NCAM2: variants seen among roughly 807,000 people sequenced by gnomAD.
The protein encoded by NCAM2 is neural cell adhesion molecule 2, also known as N-CAM-2.
A neutral mutation model predicts 98.1 loss-of-function variants in NCAM2; 30 were observed. The ratio of observed to expected loss-of-function variants is 0.31; its 90% CI spans 0.23 to 0.41. The LOEUF is 0.41. Ranked by LOEUF, NCAM2 falls within the 10% of genes least tolerant of loss-of-function variation. The probability of loss-of-function intolerance (pLI) is 1.00; values close to 1 mark genes in which losing one functional copy is unlikely to be tolerated. For missense variants in NCAM2, 867 were observed against 1,005.8 expected (o/e 0.86, Z 1.87); for synonymous variants, 368 against 342.4 (o/e 1.07, Z -0.83).
intron 5 of NCAM2, among the ~76,000 whole-genome samples, chr21:21,300,320 C>T (rs929137871): frequency 1.3e-5 from 2 of 152,034 alleles, no homozygotes; most frequent in African/African-American, 2.4e-5. Flanking sequence ...CTCAAAGAGA[C>T]TCTCAGGTAG....
chr21:21,279,678 G>A (rs1377386381), intron 1 of NCAM2, among the ~76,000 whole-genome samples: 2 of 152,076 alleles, frequency 1.3e-5, no homozygotes, highest in African/African-American at 4.8e-5. Flanking sequence ...GTTGTTCTGG[G>A]AAAACTTGGA....
Position 20,998,495 on chromosome 21 carries a change from G to C in NCAM2, c.-69G>C. The C allele has an allele frequency of 6.6e-7, 1 of 1,520,794 alleles. No individual in the cohort carries two copies. Among genetic ancestry groups the C allele is most frequent in the Non-Finnish European group, 9.0e-7 (1 of 1,110,862 alleles). 94.2% of individuals were successfully genotyped at this position (1,520,794 alleles called of 1,614,324 possible). A position where few individuals can be genotyped will look rare whatever the true frequency, so the allele number is the denominator to read the frequency against. On this transcript the variant is annotated 5_prime_UTR_variant, in exon 1 of 18. Coordinates refer to ENST00000400546, the MANE Select transcript of NCAM2 (RefSeq NM_004540.5). Reference sequence around the variant, plus strand: ...GGCTCTAGCAGAGGCGGCCGGGGCAGCGAAAGGTTCTCTCTCCAGGGCTGG... The same window carrying C: ...GGCTCTAGCAGAGGCGGCCGGGGCACCGAAAGGTTCTCTCTCCAGGGCTGG...
rs1568855148 is a variant in NCAM2, at chr21:21,264,996, G to GTCTGTA, written c.56-15581_56-15580insCTGTAT. 6.9e-3 allele frequency among the ~76,000 whole-genome samples: 197 copies of GTCTGTA among 28,400 alleles called. 20 individuals carry two copies. Among genetic ancestry groups the GTCTGTA allele is most frequent in the Middle Eastern group, 0.042 (1 of 24 alleles). The allele number at this position is 28,400 out of a possible 152,430, so 18.6% of individuals were successfully genotyped here. A position where few individuals can be genotyped will look rare whatever the true frequency, so the allele number is the denominator to read the frequency against. ...ACATATATATTATATATGTGTATGTGTATATATACACATATATATTATATA... is the reference window on the plus strand; with the variant it reads ...ACATATATATTATATATGTGTATGTGTCTGTATATATATACACATATATATTATATA... On this transcript the variant is annotated intron_variant, in intron 1 of 17. Transcript: ENST00000400546.
intron 4 of NCAM2, 72 bp from the exon 5 acceptor site, chr21:21,292,030 CTT>C: frequency 7.1e-7 from 1 of 1,415,240 alleles, no homozygotes; most frequent in Non-Finnish European, 9.5e-7. Context: ...TATTTTAACT[CTT>C]AACAATTTAG....
rs528574988 is a variant in NCAM2 at position 21,084,311 on chromosome 21, C to T, written c.55+85693C>T. ...TTTGAGGGGACACAAACATTCATAC[C>T]ATAACTGGTGATAAGTTCTAAACAG... On this transcript the variant is annotated intron_variant, in intron 1 of 17. Transcript: ENST00000400546. 4.8e-4 allele frequency among the ~76,000 whole-genome samples: 73 copies of T among 152,258 alleles called. 1 individual carries two copies. The South Asian group carries it at 0.015, about 30-fold the overall frequency.
At chr21:21,225,115 G>A (rs1312016425) in intron 1 of NCAM2, among the ~76,000 whole-genome samples, 1 of 152,052 alleles carries the variant, frequency 6.6e-6, no homozygotes, top group African/African-American at 2.4e-5. Flanking sequence ...CAGGGACATG[G>A]ATGAAGCTGG....
At chr21:21,274,300 T>C (rs1302535609) in intron 1 of NCAM2, among the ~76,000 whole-genome samples, 1 of 152,092 alleles carries the variant, frequency 6.6e-6, no homozygotes, top group Non-Finnish European at 1.5e-5. Flanking sequence ...TGTATGCAGG[T>C]AAAGAGGAAC....
At chr21:21,320,340 TC>T (rs2074344825) in intron 5 of NCAM2, among the ~76,000 whole-genome samples, 1 of 152,138 alleles carries the variant, frequency 6.6e-6, no homozygotes, top group South Asian at 2.1e-4. Flanking sequence ...ACTTTTTTTT[TC>T]CAAACGAAAT....
intron 1 of NCAM2, among the ~76,000 whole-genome samples, chr21:21,017,595 G>T (rs1318705613): frequency 6.6e-6 from 1 of 152,020 alleles, no homozygotes; most frequent in African/African-American, 2.4e-5. Flanking sequence ...CTCGACCAAA[G>T]TGAGCTATAC....
chr21:21,266,636 C>G (rs1464704837), intron 1 of NCAM2, among the ~76,000 whole-genome samples: 1 of 151,956 alleles, frequency 6.6e-6, no homozygotes, highest in East Asian at 1.9e-4. Context: ...AAAACAAACA[C>G]CGTGTGTTCT....
chr21:21,529,613 T>C (rs185461830), intron 16 of NCAM2, among the ~76,000 whole-genome samples: 138 of 152,122 alleles, frequency 9.1e-4, no homozygotes, highest in African/African-American at 3.2e-3. Context: ...TTTCATGATT[T>C]ATTAATTGCA....
chr21:21,267,249 T>C (rs2072318114), intron 1 of NCAM2, among the ~76,000 whole-genome samples: 1 of 152,202 alleles, frequency 6.6e-6, no homozygotes, highest in Non-Finnish European at 1.5e-5. Flanking sequence ...ACTTGGTGAC[T>C]CCAAGCATAC....
At chr21:21,188,350 G>C (rs929002236) in intron 1 of NCAM2, among the ~76,000 whole-genome samples, 1 of 152,022 alleles carries the variant, frequency 6.6e-6, no homozygotes, top group South Asian at 2.1e-4. Flanking sequence ...CAAATTTGGA[G>C]GTATTGTTTT....
intron 1 of NCAM2, among the ~76,000 whole-genome samples, chr21:21,015,932 T>C (rs1177248177): frequency 1.3e-5 from 2 of 152,090 alleles, no homozygotes; most frequent in Admixed American, 6.6e-5. Context: ...GGTCTTGAAC[T>C]CCTGACCTCA....
chr21:21,343,138 A>G (rs2075091133), intron 8 of NCAM2, among the ~76,000 whole-genome samples: 1 of 152,238 alleles, frequency 6.6e-6, no homozygotes, highest in Admixed American at 6.5e-5. Flanking sequence ...TAATTAAAAT[A>G]TAGTGTTCAG....
intron 12 of NCAM2, among the ~76,000 whole-genome samples, chr21:21,450,793 TACACAC>T (rs71195329): frequency 0.37 from 52,972 of 143,050 alleles, 10,903 homozygotes; most frequent in Non-Finnish European, 0.48. Flanking sequence ...TATGTATGTA[TACACAC>T]ACACACACAC....
At chr21:21,110,330 T>G (rs1328105270) in intron 1 of NCAM2, among the ~76,000 whole-genome samples, 1 of 151,998 alleles carries the variant, frequency 6.6e-6, no homozygotes, top group Non-Finnish European at 1.5e-5. Flanking sequence ...CTAAACAACT[T>G]CCTGTGGGCC....
intron 15 of NCAM2, among the ~76,000 whole-genome samples, chr21:21,492,507 A>G (rs1050072606): frequency 2.7e-4 from 41 of 152,036 alleles, no homozygotes; most frequent in African/African-American, 8.7e-4. Flanking sequence ...CATTAAGTTT[A>G]TGGTTTTAAA....
At chr21:21,469,386 C>T (rs554473143) in intron 14 of NCAM2, among the ~76,000 whole-genome samples, 44 of 151,918 alleles carry the variant, frequency 2.9e-4, no homozygotes, top group African/African-American at 7.7e-4. Context: ...TGGACAACTG[C>T]GTTTTGCCTT....
Sources: gnomAD v4.1 joint callset for allele counts (sites outside exome capture counted in the v4.1 genomes callset) on GRCh38, gnomAD v4.1.1 for gene constraint, MANE v1.5 for transcripts, NCBI Gene and HGNC (gene_info 2026-07-23, HGNC 2026-07-21) for gene names.